DIABLO: variants seen among roughly 807,000 people sequenced by gnomAD.
The protein encoded by DIABLO is diablo homolog, mitochondrial.
Under a neutral mutation model 31.7 loss-of-function variants are expected in DIABLO, and 32 were observed. The observed-to-expected ratio is 1.01, with a 90% confidence interval of 0.76 to 1.35. The LOEUF is 1.35. Ranked by LOEUF, DIABLO falls within the 40% of genes most tolerant of loss-of-function variation. The pLI is 0.00. For synonymous variants in DIABLO, 132 were observed against 103.2 expected (o/e 1.28, Z -1.69); for missense variants, 316 against 286.4 (o/e 1.10, Z -0.75).
intron 5 of DIABLO, among the ~76,000 whole-genome samples, chr12:122,211,158 G>C (rs988302921): frequency 9.0e-5 from 13 of 143,968 alleles, no homozygotes; most frequent in Admixed American, 2.2e-4. Flanking sequence ...CCAGCACTTT[G>C]GGAGGCTGAG....
At position 122,208,244 on chromosome 12, in the gene DIABLO, G is replaced by A; in HGVS notation, c.*137C>T. ...ACAGGAGGCACTCACAGCTCACAAA[G>A]GCGTCTCGCCTGATTGGCCAGGGCA... On this transcript the variant is annotated 3_prime_UTR_variant, in exon 6 of 6. Transcript: ENST00000464942. 9.9e-7 allele frequency: 1 copy of A among 1,007,470 alleles called. No homozygotes were observed. The highest frequency in any genetic ancestry group is 1.3e-5 in the South Asian group (1 of 74,450). The allele number at this position is 1,007,470 out of a possible 1,614,324, so 62.4% of individuals were successfully genotyped here.
chr12:122,226,481 G>A, upstream of DIABLO: 1 of 698,730 alleles, frequency 1.4e-6, no homozygotes. Context: ...GCAGCGCCCC[G>A]ATGAGCACCG....
intron 2 of DIABLO, chr12:122,221,838 T>A (rs1954340707): frequency 6.6e-6 from 1 of 151,984 alleles, no homozygotes. Flanking sequence ...TAAAAAAAAA[T>A]CTTTTGAATG....
At chr12:122,225,529 G>A in intron 1 of DIABLO, 4 of 1,085,324 alleles carry the variant, frequency 3.7e-6, no homozygotes, top group Non-Finnish European at 4.5e-6. Context: ...CAATCGCCCA[G>A]GAGCCTGCAG....
intron 1 of DIABLO, 104 bp downstream of exon 1, chr12:122,225,861 G>C: frequency 3.3e-6 from 5 of 1,538,130 alleles, no homozygotes; most frequent in Non-Finnish European, 3.5e-6. Context: ...GGGCGGACGA[G>C]AGATGAGCGC....
At chr12:122,225,379 C>A (rs900414315) in intron 1 of DIABLO, 29 of 990,674 alleles carry the variant, frequency 2.9e-5, no homozygotes, top group Admixed American at 5.6e-5. Flanking sequence ...AGAGGCAGAT[C>A]TTGTCTCAAA....
intron 2 of DIABLO, chr12:122,221,599 T>C (rs1018984296): frequency 1.3e-5 from 2 of 152,162 alleles, no homozygotes; most frequent in Non-Finnish European, 2.9e-5. Context: ...GGTCTCGCTA[T>C]GTTTCTCAGG....
chr12:122,224,882 G>A (rs1292526509), intron 1 of DIABLO: 3 of 1,417,196 alleles, frequency 2.1e-6, no homozygotes, highest in Non-Finnish European at 2.8e-6. Flanking sequence ...GGCAAGGCGG[G>A]AGGATCACTT....
Position 122,216,753 on chromosome 12 carries a change from G to C in DIABLO, c.426+6C>G, listed in dbSNP as rs748946200. 1 of 1,613,048 alleles carries C rather than the reference G, an allele frequency of 6.2e-7. No individual in the cohort carries two copies. Among genetic ancestry groups the C allele is most frequent in the Non-Finnish European group, 8.5e-7 (1 of 1,179,042 alleles). On this transcript the variant is annotated splice_donor_region_variant and intron_variant, in intron 4 of 5. Transcript: ENST00000464942. ...AACACAGAAATGCCTAGAACTTTCT[G>C]CTTACCTCAGCTCTGGCTCCTATGA...
At chr12:122,224,932 G>A in intron 1 of DIABLO, 1 of 929,280 alleles carries the variant, frequency 1.1e-6, no homozygotes, top group South Asian at 1.7e-5. Context: ...AACATGGCTG[G>A]CAACATGACC....
At chr12:122,217,018 T>C in intron 3 of DIABLO, 149 bp from the exon 4 acceptor site, 1 of 679,184 alleles carries the variant, frequency 1.5e-6, no homozygotes, top group African/African-American at 1.8e-5. Context: ...TATTATCCTA[T>C]GAAGTAAAGG....
intron 5 of DIABLO, among the ~76,000 whole-genome samples, chr12:122,212,952 G>A (rs954666471): frequency 6.6e-6 from 1 of 151,690 alleles, no homozygotes; most frequent in Non-Finnish European, 1.5e-5. Context: ...ACAGGGTCTT[G>A]CTTTGTCAAC....
At chr12:122,220,770 CAAG>C (rs1451030917) in intron 2 of DIABLO, 16 of 152,152 alleles carry the variant, frequency 1.1e-4, no homozygotes, top group African/African-American at 3.9e-4. Context: ...AAGAGGCAGT[CAAG>C]AAATATTTTT....
At chr12:122,224,734 G>C (rs746632018) in intron 1 of DIABLO, 90 bp from the exon 2 acceptor site, 9 of 1,611,670 alleles carry the variant, frequency 5.6e-6, no homozygotes, top group Middle Eastern at 1.7e-4. Flanking sequence ...ACTCAAACTC[G>C]AGCCAAGCAG....
intron 5 of DIABLO, chr12:122,209,835 C>T: frequency 4.3e-6 from 3 of 702,766 alleles, no homozygotes; most frequent in Non-Finnish European, 7.8e-6. Context: ...GCATCCTCCT[C>T]TTCTAACTTC....
At chr12:122,213,293 G>A (rs1342123652) in intron 5 of DIABLO, among the ~76,000 whole-genome samples, 1 of 151,738 alleles carries the variant, frequency 6.6e-6, no homozygotes, top group African/African-American at 2.4e-5. Context: ...AGTTTGAGAG[G>A]CCAAGGCGGG....
In DIABLO at chr12:122,208,589, T is replaced by C. The variant is rs754889194; in HGVS notation, c.524-12A>G. ...GGCCTGATCTGCGCCTGCCAAAAGA[T>C]GGGACAATCGGGTTGAGCAGCCGTG... On this transcript the variant is annotated splice_polypyrimidine_tract_variant and intron_variant, in intron 5 of 5. Transcript: ENST00000464942. 7 of 1,610,932 alleles carry C rather than the reference T, an allele frequency of 4.3e-6. No homozygotes were observed. The highest frequency in any genetic ancestry group is 5.9e-6 in the Non-Finnish European group (7 of 1,179,890).
chr12:122,224,490 G>C (rs755089818), intron 2 of DIABLO, 22 bp downstream of exon 2: 1 of 1,613,576 alleles, frequency 6.2e-7, no homozygotes, highest in East Asian at 2.2e-5. Context: ...CACTAGATAA[G>C]AATCACTGCA....
intron 1 of DIABLO, 177 bp downstream of exon 1, chr12:122,225,788 C>G (rs1347790913): frequency 2.7e-6 from 4 of 1,455,064 alleles, no homozygotes; most frequent in Non-Finnish European, 1.8e-6. Flanking sequence ...GGGCTTGACC[C>G]AGGGGGCGGA....
Sources: allele counts gnomAD v4.1 joint callset (sites outside exome capture counted in the v4.1 genomes callset), GRCh38; gene constraint gnomAD v4.1.1; transcripts MANE v1.5; gene names NCBI Gene and HGNC (gene_info 2026-07-23, HGNC 2026-07-21).